Variants in DPP10 observed in about 807,000 individuals in gnomAD.
DPP10 encodes inactive dipeptidyl peptidase 10.
DPP10 carries 33 observed loss-of-function variants against 120.9 expected under a neutral mutation model. The observed-to-expected ratio is 0.27, with a 90% CI of 0.21 to 0.37. DPP10 has a LOEUF of 0.37. Ranked by LOEUF, DPP10 falls within the 10% of genes least tolerant of loss-of-function variation. The pLI, the probability that DPP10 is intolerant of heterozygous loss-of-function variation, is 1.00. For missense variants in DPP10, 816 were observed against 942.8 expected (o/e 0.87, Z 1.76); for synonymous variants, 337 against 326.1 (o/e 1.03, Z -0.36).
chr2:114,519,699 T>C (rs1573550573), intron 1 of DPP10, among the ~76,000 whole-genome samples: 1 of 152,356 alleles, frequency 6.6e-6, no homozygotes, highest in Middle Eastern at 3.4e-3. Flanking sequence ...CAACAGCAAA[T>C]GTTCTTCTCA....
intron 1 of DPP10, among the ~76,000 whole-genome samples, chr2:114,599,682 A>T (rs1166821480): frequency 6.6e-6 from 1 of 151,728 alleles, no homozygotes; most frequent in Non-Finnish European, 1.5e-5. Flanking sequence ...TTTGAATAAA[A>T]TTTCTGTGAA....
intron 1 of DPP10, among the ~76,000 whole-genome samples, chr2:114,457,117 T>C (rs549777840): frequency 1.3e-5 from 2 of 152,142 alleles, no homozygotes; most frequent in Non-Finnish European, 2.9e-5. Flanking sequence ...AAAAACTGAG[T>C]TCATTCTTAA....
chr2:115,393,986 G>T (rs1002507144), intron 3 of DPP10, among the ~76,000 whole-genome samples: 4 of 152,160 alleles, frequency 2.6e-5, no homozygotes, highest in Non-Finnish European at 5.9e-5. Flanking sequence ...TTATATAGGG[G>T]AGATGAAGAT....
intron 3 of DPP10, among the ~76,000 whole-genome samples, chr2:115,380,881 C>G: frequency 6.6e-6 from 1 of 152,062 alleles, no homozygotes. Context: ...AATATTGGCC[C>G]CCACTCTCTT....
intron 1 of DPP10, among the ~76,000 whole-genome samples, chr2:114,854,150 T>C (rs1355075994): frequency 6.6e-6 from 1 of 152,100 alleles, no homozygotes; most frequent in African/African-American, 2.4e-5. Flanking sequence ...ACACATAGAG[T>C]CATACTTGAG....
chr2:114,554,034 T>C (rs1251065642), intron 1 of DPP10, among the ~76,000 whole-genome samples: 4 of 152,156 alleles, frequency 2.6e-5, no homozygotes, highest in African/African-American at 9.7e-5. Flanking sequence ...TGTGAGACCA[T>C]CTTGGGTGAG....
chr2:114,710,950 C>G (rs984658060), intron 1 of DPP10, among the ~76,000 whole-genome samples: 1 of 152,108 alleles, frequency 6.6e-6, no homozygotes, highest in Non-Finnish European at 1.5e-5. Flanking sequence ...ATTTTACTTT[C>G]TTTTCAAACC....
Position 115,379,818 on chromosome 2 carries a change from G to A in DPP10, c.271+35906G>A, listed in dbSNP as rs183551946. 2.8e-3 allele frequency among the ~76,000 whole-genome samples: 419 copies of A among 152,318 alleles called. 2 individuals are homozygous for A. Among genetic ancestry groups the A allele is most frequent in the African/African-American group, 8.8e-3 (365 of 41,570 alleles). On this transcript the variant is annotated intron_variant, in intron 3 of 25. Transcript: ENST00000410059. ...CCTTCATTTCATTATGTACCCAGTAGTCATTCAGGAGCAGGTTCTTCAGTT... is the reference window on the plus strand; with the variant it reads ...CCTTCATTTCATTATGTACCCAGTAATCATTCAGGAGCAGGTTCTTCAGTT...
At chr2:115,249,933 T>A (rs974764812) in intron 1 of DPP10, among the ~76,000 whole-genome samples, 1 of 152,144 alleles carries the variant, frequency 6.6e-6, no homozygotes, top group Non-Finnish European at 1.5e-5. Flanking sequence ...TATTGAATTA[T>A]TGCAATGGGT....
At chr2:114,683,739 C>A (rs905337853) in intron 1 of DPP10, among the ~76,000 whole-genome samples, 5 of 151,872 alleles carry the variant, frequency 3.3e-5, no homozygotes, top group African/African-American at 1.2e-4. Context: ...CAGTGCAGCT[C>A]AGCCCTTCTC....
At chr2:114,947,975 G>A (rs1483525035) in intron 1 of DPP10, among the ~76,000 whole-genome samples, 2 of 151,686 alleles carry the variant, frequency 1.3e-5, no homozygotes, top group African/African-American at 4.8e-5. Context: ...AGATCTTATA[G>A]CTCTCTTTAG....
chr2:115,842,554 G>A lies in DPP10; in HGVS notation c.*209G>A. On this transcript the variant is annotated 3_prime_UTR_variant, in exon 26 of 26. Coordinates refer to ENST00000410059, the MANE Select transcript of DPP10 (RefSeq NM_020868.6). ...GGGTGCAGAACCCGTTTCTTTGTAT[G>A]AGAGAGGTCAAAGGGTTGGTTTCCT... is the stretch of plus-strand genomic sequence containing the variant. The A allele has an allele frequency of 2.2e-6, 1 of 447,568 alleles. No homozygotes were observed. Among genetic ancestry groups the A allele is most frequent in the East Asian group, 3.6e-5 (1 of 27,576 alleles). The allele number at this position is 447,568 out of a possible 1,614,324, so 27.7% of individuals were successfully genotyped here.
intron 3 of DPP10, among the ~76,000 whole-genome samples, chr2:115,365,566 A>C (rs2065030929): frequency 6.6e-6 from 1 of 151,992 alleles, no homozygotes; most frequent in African/African-American, 2.4e-5. Context: ...CTTTATATGA[A>C]AGTATTTTTT....
chr2:115,405,504 A>T (rs2068439845), intron 3 of DPP10, among the ~76,000 whole-genome samples: 1 of 152,044 alleles, frequency 6.6e-6, no homozygotes. Flanking sequence ...GTGGGTCTGG[A>T]GTCCAGAGGG....
At chr2:115,600,397 A>G (rs1396215855) in intron 5 of DPP10, among the ~76,000 whole-genome samples, 1 of 152,230 alleles carries the variant, frequency 6.6e-6, no homozygotes, top group Non-Finnish European at 1.5e-5. Context: ...TAAGTATTTT[A>G]ATAGATTTTC....
intron 4 of DPP10, among the ~76,000 whole-genome samples, chr2:115,507,671 T>C (rs1382961195): frequency 3.3e-5 from 5 of 152,152 alleles, no homozygotes; most frequent in Admixed American, 1.3e-4. Context: ...AGATTTATAC[T>C]GAGTTTTGTA....
At chr2:114,977,917 T>G (rs898253923) in intron 1 of DPP10, among the ~76,000 whole-genome samples, 8 of 152,130 alleles carry the variant, frequency 5.3e-5, no homozygotes, top group Non-Finnish European at 1.0e-4. Context: ...TTATCAAATT[T>G]TTTAACTGGT....
intron 3 of DPP10, among the ~76,000 whole-genome samples, chr2:115,381,597 GA>G (rs2066362217): frequency 6.6e-6 from 1 of 152,202 alleles, no homozygotes; most frequent in South Asian, 2.1e-4. Context: ...TGCTGGTGAG[GA>G]ACTGCGTTCC....
At chr2:115,284,136 G>A (rs2060270997) in intron 1 of DPP10, among the ~76,000 whole-genome samples, 2 of 151,972 alleles carry the variant, frequency 1.3e-5, no homozygotes, top group South Asian at 4.2e-4. Context: ...AAACTCTTAT[G>A]TGATTCTAAG....
Sources: gnomAD v4.1 joint callset for allele counts (sites outside exome capture counted in the v4.1 genomes callset) on GRCh38, gnomAD v4.1.1 for gene constraint, MANE v1.5 for transcripts, NCBI Gene and HGNC (gene_info 2026-07-23, HGNC 2026-07-21) for gene names.